The following IREB2 variants were observed in gnomAD, a reference collection of about 807,000 sequenced individuals.
IREB2 encodes the protein iron responsive element binding protein 2.
Under a neutral mutation model 118.8 loss-of-function variants are expected in IREB2, and 39 were observed. The ratio of observed to expected loss-of-function variants is 0.33; its 90% CI spans 0.25 to 0.43. The LOEUF (loss-of-function observed/expected upper bound fraction) is 0.43. Among genes scored for constraint, IREB2 ranks in the 20% least tolerant of loss-of-function variants. The pLI, the probability that IREB2 is intolerant of heterozygous loss-of-function variation, is 1.00. For missense variants in IREB2, 900 were observed against 1,147.3 expected, an observed-to-expected ratio of 0.78 and a Z score of 3.11; for synonymous variants, 372 against 392.2, an observed-to-expected ratio of 0.95 and a Z score of 0.61.
chr15:78,494,673 A>G (rs2077686298), intron 20 of IREB2, among the ~76,000 whole-genome samples: 1 of 152,184 alleles, frequency 6.6e-6, no homozygotes, highest in Non-Finnish European at 1.5e-5. Context: ...TCCCAGGTGC[A>G]ATCAGTTCTC....
At chr15:78,464,256 A>C (rs955459956) in intron 3 of IREB2, among the ~76,000 whole-genome samples, 1 of 152,180 alleles carries the variant, frequency 6.6e-6, no homozygotes. Context: ...CTTCCATCAC[A>C]CTTAAAATCC....
At chr15:78,460,336 AT>A (rs947824388) in intron 2 of IREB2, among the ~76,000 whole-genome samples, 3 of 152,224 alleles carry the variant, frequency 2.0e-5, no homozygotes, top group Non-Finnish European at 4.4e-5. Flanking sequence ...TTAACTATTG[AT>A]TTTCCCCCTT....
At chr15:78,492,507 C>A (rs996762385) in intron 18 of IREB2, among the ~76,000 whole-genome samples, 1 of 152,170 alleles carries the variant, frequency 6.6e-6, no homozygotes, top group African/African-American at 2.4e-5. Flanking sequence ...ACCAGCCTTT[C>A]ATGTATGGAA....
chr15:78,438,303 G>T lies in IREB2; in HGVS notation c.-35G>T. On this transcript the variant is annotated 5_prime_UTR_variant, in exon 1 of 22. Coordinates refer to ENST00000258886, the MANE Select transcript of IREB2 (RefSeq NM_004136.4). ...CGGCCTCCCCCTTCTTCCCCCGCTG[G>T]CCCCCTCCCCGGAGGGATAATATGG... The T allele has an allele frequency of 6.4e-7, 1 of 1,568,270 alleles. No homozygotes were observed. The highest frequency in any genetic ancestry group is 1.2e-5 in the South Asian group (1 of 85,834).
chr15:78,437,924 G>A (rs2050776889), upstream of IREB2, among the ~76,000 whole-genome samples: 1 of 152,190 alleles, frequency 6.6e-6, no homozygotes, highest in Admixed American at 6.5e-5. Flanking sequence ...GACACCTTGC[G>A]GGAACGCAAA....
At position 78,481,078 on chromosome 15, in the gene IREB2, G is replaced by A. The variant is rs575828451; in HGVS notation, c.1297-2240G>A. Among the ~76,000 whole-genome samples the A allele has an allele frequency of 4.9e-4, 74 of 152,230 alleles. 1 individual carries two copies. In the South Asian group the frequency reaches 0.015, roughly 31 times the overall value. On this transcript the variant is annotated intron_variant, in intron 10 of 21. Coordinates refer to ENST00000258886, the MANE Select transcript of IREB2 (RefSeq NM_004136.4). ...TGCCTGTAATTACAACCCTTTGGGA[G>A]GCCAAGGCAAGAGGATTACTTAAGG...
rs2051802067 is a variant in IREB2, at chr15:78,494,257, A to G, written c.2588A>G (p.Tyr863Cys). The part of the protein sequence containing the change: ...NSRDWAAKGP[Y>C]LLGVKAVLAE... Reference sequence around the variant, plus strand: ...AGAGACTGGGCTGCCAAAGGACCGTATTTACTGGTATTGAATCTTAAAATT... The same window carrying G: ...AGAGACTGGGCTGCCAAAGGACCGTGTTTACTGGTATTGAATCTTAAAATT... The change falls in exon 20 of 22, where the codon TAT becomes TGT. Residue 863 changes from tyrosine to cysteine, a missense_variant. Physicochemically the swap from Tyr to Cys is radical, Grantham distance 194. Coordinates refer to ENST00000258886, the MANE Select transcript of IREB2 (RefSeq NM_004136.4). 1 of 1,612,376 alleles carries G rather than the reference A, an allele frequency of 6.2e-7. No individual in the cohort carries two copies. The highest frequency in any genetic ancestry group is 8.5e-7 in the Non-Finnish European group (1 of 1,179,610).
At chr15:78,451,639 T>C (rs1219988234) in intron 2 of IREB2, among the ~76,000 whole-genome samples, 1 of 152,148 alleles carries the variant, frequency 6.6e-6, no homozygotes, top group Non-Finnish European at 1.5e-5. Flanking sequence ...TCTGAAACTT[T>C]TTGAGCACTG....
At chr15:78,483,269 G>GT (rs767464151) in intron 10 of IREB2, 49 bp from the exon 11 acceptor site, 3 of 873,828 alleles carry the variant, frequency 3.4e-6, no homozygotes, top group African/African-American at 1.7e-5. Context: ...GGAATCTGTC[G>GT]TAAGGAATTA....
chr15:78,486,377 C>A (rs1371860934), intron 13 of IREB2, among the ~76,000 whole-genome samples: 2 of 152,164 alleles, frequency 1.3e-5, no homozygotes, highest in African/African-American at 2.4e-5. Context: ...GAGGCCGAGG[C>A]AGGCAAATCA....
intron 2 of IREB2, among the ~76,000 whole-genome samples, chr15:78,456,840 A>G (rs992849068): frequency 4.6e-5 from 7 of 152,162 alleles, no homozygotes; most frequent in African/African-American, 1.2e-4. Flanking sequence ...ACTATTTTCA[A>G]TTCTCTTGAC....
intron 20 of IREB2, among the ~76,000 whole-genome samples, chr15:78,496,775 G>C (rs190773625): frequency 6.6e-6 from 1 of 152,176 alleles, no homozygotes; most frequent in East Asian, 1.9e-4. Flanking sequence ...TTTCAAGAGT[G>C]TTGAAAACAT....
At chr15:78,473,550 T>C in intron 8 of IREB2, 169 bp downstream of exon 8, 1 of 592,422 alleles carries the variant, frequency 1.7e-6, no homozygotes, top group South Asian at 2.2e-5. Context: ...AGCATTTAGT[T>C]TGTACTAATA....
intron 7 of IREB2, among the ~76,000 whole-genome samples, chr15:78,472,332 T>G (rs1013442398): frequency 6.6e-6 from 1 of 152,144 alleles, no homozygotes; most frequent in African/African-American, 2.4e-5. Context: ...AGTCATTTCT[T>G]TACTTACGTG....
intron 2 of IREB2, among the ~76,000 whole-genome samples, chr15:78,441,102 T>G (rs2050837926): frequency 6.6e-6 from 1 of 152,258 alleles, no homozygotes; most frequent in South Asian, 2.1e-4. Context: ...ATTGTTCTTG[T>G]GATTTTTCTG....
intron 2 of IREB2, among the ~76,000 whole-genome samples, chr15:78,458,616 A>G (rs2051144631): frequency 1.3e-5 from 2 of 151,906 alleles, no homozygotes; most frequent in African/African-American, 4.8e-5. Flanking sequence ...CACTCACCCC[A>G]TCTAAGGGTG....
intron 2 of IREB2, among the ~76,000 whole-genome samples, chr15:78,450,872 GTA>G (rs1052064335): frequency 4.9e-5 from 6 of 121,878 alleles, no homozygotes; most frequent in African/African-American, 1.5e-4. Flanking sequence ...GTGTGTGTGT[GTA>G]TTTTAATATA....
intron 1 of IREB2, 123 bp from the exon 2 acceptor site, chr15:78,439,672 C>T: frequency 1.6e-6 from 1 of 623,400 alleles, no homozygotes; most frequent in Non-Finnish European, 2.8e-6. Flanking sequence ...TACTGGACAG[C>T]TCAAACATAG....
intron 2 of IREB2, among the ~76,000 whole-genome samples, chr15:78,458,960 G>C (rs1377648652): frequency 6.6e-6 from 1 of 151,876 alleles, no homozygotes; most frequent in Non-Finnish European, 1.5e-5. Flanking sequence ...CAGGATACCT[G>C]GCTAGTTTTT....
Sources: gnomAD v4.1 joint callset for allele counts (sites outside exome capture counted in the v4.1 genomes callset) on GRCh38, gnomAD v4.1.1 for gene constraint, MANE v1.5 for transcripts, NCBI Gene and HGNC (gene_info 2026-07-23, HGNC 2026-07-21) for gene names.